NARS2: variants seen among roughly 807,000 people sequenced by gnomAD.
NARS2 encodes asparaginyl-tRNA synthetase 2, mitochondrial.
A neutral mutation model predicts 62.9 loss-of-function variants in NARS2; 60 were observed. The observed-to-expected ratio is 0.95, with a 90% CI of 0.77 to 1.18. The LOEUF is 1.18. Ranked by LOEUF, NARS2 falls within the 50% of genes most tolerant of loss-of-function variation. NARS2 has a pLI of 0.00. For synonymous variants in NARS2, 196 were observed against 200.0 expected (o/e 0.98, Z 0.17); for missense variants, 619 against 576.4 (o/e 1.07, Z -0.76).
intron 10 of NARS2, among the ~76,000 whole-genome samples, chr11:78,468,440 G>C (rs1408170757): frequency 7.1e-6 from 1 of 140,112 alleles, no homozygotes. Context: ...ATGGAGTCTC[G>C]CTGTTGCCGA....
chr11:78,530,991 A>C (rs1189746977), intron 5 of NARS2, among the ~76,000 whole-genome samples: 5 of 152,182 alleles, frequency 3.3e-5, no homozygotes, highest in Admixed American at 2.6e-4. Flanking sequence ...TTCCCTTTGT[A>C]TTATCACCTA....
At chr11:78,489,435 C>T (rs1425261408) in intron 7 of NARS2, among the ~76,000 whole-genome samples, 2 of 152,160 alleles carry the variant, frequency 1.3e-5, no homozygotes, top group African/African-American at 4.8e-5. Flanking sequence ...ATATGCCTGA[C>T]AGTACTTGGT....
At chr11:78,437,052 T>C (rs1857431982) in intron 13 of NARS2, among the ~76,000 whole-genome samples, 1 of 152,190 alleles carries the variant, frequency 6.6e-6, no homozygotes, top group Admixed American at 6.5e-5. Context: ...TTTGGTCCCT[T>C]TTCCTTTTTA....
intron 7 of NARS2, among the ~76,000 whole-genome samples, chr11:78,484,053 T>A (rs906651781): frequency 6.6e-6 from 1 of 152,064 alleles, no homozygotes; most frequent in African/African-American, 2.4e-5. Flanking sequence ...TGTGGACCCA[T>A]GGAACAAAAC....
chr11:78,513,037 G>T (rs969114435), intron 6 of NARS2, among the ~76,000 whole-genome samples: 3 of 152,044 alleles, frequency 2.0e-5, no homozygotes, highest in African/African-American at 4.8e-5. Flanking sequence ...ATCACCTGAG[G>T]TCAGGAGTTT....
chr11:78,479,002 A>C (rs115836532), intron 7 of NARS2, among the ~76,000 whole-genome samples: 3,835 of 152,306 alleles, frequency 0.025, 146 homozygotes, highest in African/African-American at 0.079. Context: ...TGGTAGAATC[A>C]GGGTAATAAT....
At chr11:78,572,749 C>T (rs1856976167) in intron 1 of NARS2, among the ~76,000 whole-genome samples, 1 of 152,068 alleles carries the variant, frequency 6.6e-6, no homozygotes, top group Non-Finnish European at 1.5e-5. Flanking sequence ...CTTTTTGTGG[C>T]CACGTTAAAC....
At chr11:78,469,161 A>AT in intron 10 of NARS2, 86 bp downstream of exon 10, 1 of 901,166 alleles carries the variant, frequency 1.1e-6, no homozygotes, top group South Asian at 1.5e-5. Flanking sequence ...AATTAAGATG[A>AT]TTTTGAAAGA....
intron 10 of NARS2, among the ~76,000 whole-genome samples, chr11:78,468,258 G>C (rs376593179): frequency 1.0e-4 from 12 of 119,082 alleles, no homozygotes; most frequent in African/African-American, 4.0e-4. Flanking sequence ...AAACTAAAAG[G>C]CTCCGTAAAG....
chr11:78,516,718 C>T (rs1860925479), intron 6 of NARS2, among the ~76,000 whole-genome samples: 1 of 152,118 alleles, frequency 6.6e-6, no homozygotes, highest in East Asian at 1.9e-4. Flanking sequence ...AGATTAAGGA[C>T]TTTATAGGCT....
At chr11:78,478,724 T>C in intron 7 of NARS2, 41 bp from the exon 8 acceptor site, 1 of 1,350,398 alleles carries the variant, frequency 7.4e-7, no homozygotes, top group Non-Finnish European at 1.0e-6. Context: ...CGTAAGCAAT[T>C]TTACATGAAA....
intron 7 of NARS2, 133 bp downstream of exon 7, chr11:78,492,930 A>G: frequency 1.4e-6 from 1 of 695,654 alleles, no homozygotes; most frequent in East Asian, 2.7e-5. Context: ...GGCATTCAAT[A>G]AGTGTTTATT....
intron 5 of NARS2, among the ~76,000 whole-genome samples, chr11:78,546,937 T>C (rs1220779876): frequency 1.3e-5 from 2 of 152,256 alleles, no homozygotes; most frequent in Non-Finnish European, 2.9e-5. Context: ...AACAATTCTG[T>C]ATATTCTGTA....
At chr11:78,552,032 T>C (rs1856139577) in intron 5 of NARS2, among the ~76,000 whole-genome samples, 1 of 152,172 alleles carries the variant, frequency 6.6e-6, no homozygotes, top group Admixed American at 6.5e-5. Context: ...TGGGGATACA[T>C]GTGAAGGTCT....
At chr11:78,530,763 G>A (rs1341013205) in intron 5 of NARS2, among the ~76,000 whole-genome samples, 1 of 152,114 alleles carries the variant, frequency 6.6e-6, no homozygotes, top group Non-Finnish European at 1.5e-5. Flanking sequence ...CACCGTGCCC[G>A]GCCTATGACT....
chr11:78,515,941 TAGAC>T (rs1860894145), intron 6 of NARS2, among the ~76,000 whole-genome samples: 1 of 152,206 alleles, frequency 6.6e-6, no homozygotes, highest in African/African-American at 2.4e-5. Flanking sequence ...ACCCACCAGA[TAGAC>T]TTCAACAACT....
At chr11:78,470,882 A>ATTTTTTTTTTT (rs67863152) in intron 9 of NARS2, among the ~76,000 whole-genome samples, 1 of 135,162 alleles carries the variant, frequency 7.4e-6, no homozygotes. Flanking sequence ...AGTATTTTGG[A>ATTTTTTTTTTT]TTTTTTTTTT....
rs545866392 is a variant in NARS2, at chr11:78,464,680, T to G, written c.1164+1196A>C. Among the ~76,000 whole-genome samples the G allele has an allele frequency of 9.2e-5, 14 of 152,226 alleles. No homozygotes were observed. The Middle Eastern group carries it at 0.014, about 148-fold the overall frequency. On this transcript the variant is annotated intron_variant, in intron 11 of 13. Transcript: ENST00000281038. ...TAGATAGAGTGCTGATTGGTGTATT[T>G]ACAATCCCTTAGCTAGACATAAAGG...
intron 4 of NARS2, among the ~76,000 whole-genome samples, chr11:78,560,979 G>A (rs1168607603): frequency 6.6e-6 from 1 of 152,202 alleles, no homozygotes; most frequent in South Asian, 2.1e-4. Flanking sequence ...AAACGAGGGT[G>A]GGGAAGGGGA....
Sources: allele counts gnomAD v4.1 joint callset (sites outside exome capture counted in the v4.1 genomes callset), GRCh38; gene constraint gnomAD v4.1.1; transcripts MANE v1.5; gene names NCBI Gene and HGNC (gene_info 2026-07-23, HGNC 2026-07-21).